Variants in TMC1 observed in about 807,000 individuals in gnomAD.
TMC1 encodes the protein transmembrane channel-like protein 1.
A neutral mutation model predicts 105.8 loss-of-function variants in TMC1; 84 were observed. That is an observed-to-expected ratio of 0.79 (90% CI 0.67 to 0.95). TMC1 has a LOEUF of 0.95. Among genes scored for constraint, TMC1 ranks in the 40% least tolerant of loss-of-function variants. TMC1 has a pLI of 0.00. For synonymous variants in TMC1, 315 were observed against 311.5 expected (o/e 1.01, Z -0.12); for missense variants, 817 against 914.1 (o/e 0.89, Z 1.37).
At chr9:72,821,836 G>C (rs917248965) in intron 20 of TMC1, among the ~76,000 whole-genome samples, 7 of 152,144 alleles carry the variant, frequency 4.6e-5, no homozygotes, top group Non-Finnish European at 8.8e-5. Context: ...GACAGAGAGA[G>C]AGAGAATACC....
chr9:72,788,982 G>A (rs1828217180), intron 14 of TMC1, 141 bp from the exon 15 acceptor site: 5 of 828,258 alleles, frequency 6.0e-6, no homozygotes, highest in Non-Finnish European at 9.7e-6. Context: ...CTGGTTTGTG[G>A]AATCTCAGAT....
intron 5 of TMC1, among the ~76,000 whole-genome samples, chr9:72,671,787 A>C (rs1161078003): frequency 6.6e-6 from 1 of 152,206 alleles, no homozygotes; most frequent in Non-Finnish European, 1.5e-5. Context: ...AAGAAAAAAA[A>C]TCAAAGCATA....
At chr9:72,592,315 C>T (rs369028030) in intron 2 of TMC1, among the ~76,000 whole-genome samples, 1 of 152,286 alleles carries the variant, frequency 6.6e-6, no homozygotes, top group South Asian at 2.1e-4. Flanking sequence ...ATATGTGGAA[C>T]CTGGAAGGGA....
intron 5 of TMC1, among the ~76,000 whole-genome samples, chr9:72,671,388 T>G (rs966626730): frequency 2.6e-5 from 4 of 152,228 alleles, no homozygotes; most frequent in African/African-American, 9.6e-5. Context: ...TTCTGCAGTT[T>G]TCTCAAATTC....
At chr9:72,807,927 T>A (rs1472859221) in intron 18 of TMC1, among the ~76,000 whole-genome samples, 1 of 152,166 alleles carries the variant, frequency 6.6e-6, no homozygotes, top group East Asian at 1.9e-4. Context: ...TTTCCTTCTA[T>A]GGTCATCCTC....
chr9:72,710,193 C>T lies in TMC1; in HGVS notation c.362+9550C>T, dbSNP rs562264251. On this transcript the variant is annotated intron_variant, in intron 8 of 23. Coordinates refer to ENST00000297784, the MANE Select transcript of TMC1 (RefSeq NM_138691.3). The stretch of plus-strand genomic sequence containing the variant: ...TCTTTTGATTTCCAATTTTATTCCA[C>T]TGTGGTCTAAGAGAGTACTTGATAC... Among the ~76,000 whole-genome samples, 10 of 152,254 alleles carry T rather than the reference C, an allele frequency of 6.6e-5. 1 individual carries two copies. In the South Asian group the frequency reaches 2.1e-3, roughly 32 times the overall value.
chr9:72,647,847 T>C (rs1262325381), intron 4 of TMC1, among the ~76,000 whole-genome samples: 1 of 150,992 alleles, frequency 6.6e-6, no homozygotes, highest in Non-Finnish European at 1.5e-5. Flanking sequence ...AACCAGAGAA[T>C]GCCAGCGTCC....
chr9:72,701,367 T>G (rs1826643250), intron 8 of TMC1, among the ~76,000 whole-genome samples: 1 of 152,170 alleles, frequency 6.6e-6, no homozygotes, highest in Non-Finnish European at 1.5e-5. Context: ...ATTATCCTAT[T>G]CTGGGGGATG....
At chr9:72,737,678 T>C (rs1827322636) in intron 8 of TMC1, among the ~76,000 whole-genome samples, 1 of 152,192 alleles carries the variant, frequency 6.6e-6, no homozygotes, top group South Asian at 2.1e-4. Context: ...TTTTAGAAAG[T>C]GCCTGCTGGC....
chr9:72,611,752 G>T (rs551611155), intron 2 of TMC1, among the ~76,000 whole-genome samples: 1 of 152,282 alleles, frequency 6.6e-6, no homozygotes, highest in African/African-American at 2.4e-5. Flanking sequence ...GCCAGAAGAA[G>T]GTCTTGGGTG....
chr9:72,799,393 A>C (rs1261246785), intron 17 of TMC1, among the ~76,000 whole-genome samples: 1 of 152,160 alleles, frequency 6.6e-6, no homozygotes, highest in Non-Finnish European at 1.5e-5. Context: ...TTAAACAAAT[A>C]TGTAAAAATA....
intron 1 of TMC1, among the ~76,000 whole-genome samples, chr9:72,531,674 C>T (rs922527203): frequency 6.6e-6 from 1 of 152,214 alleles, no homozygotes; most frequent in Non-Finnish European, 1.5e-5. Flanking sequence ...ATCCGTATTA[C>T]TCTTACATCT....
At chr9:72,534,465 A>G (rs34910158) in intron 1 of TMC1, among the ~76,000 whole-genome samples, 8,683 of 152,342 alleles carry the variant, frequency 0.057, 301 homozygotes, top group Non-Finnish European at 0.07. Flanking sequence ...TGTTATATTT[A>G]TGAACATTCT....
chr9:72,533,159 G>A (rs991161983), intron 1 of TMC1, among the ~76,000 whole-genome samples: 2 of 152,202 alleles, frequency 1.3e-5, no homozygotes, highest in Non-Finnish European at 2.9e-5. Flanking sequence ...ATCAGCTGAA[G>A]TGCCCTCTCT....
intron 12 of TMC1, among the ~76,000 whole-genome samples, chr9:72,759,929 ACT>A (rs556853132): frequency 4.7e-4 from 71 of 151,942 alleles, no homozygotes; most frequent in Admixed American, 1.6e-3. Context: ...ACATTTACTG[ACT>A]CTGTTTCATG....
At chr9:72,736,016 T>A (rs1295884655) in intron 8 of TMC1, among the ~76,000 whole-genome samples, 2 of 152,206 alleles carry the variant, frequency 1.3e-5, no homozygotes, top group African/African-American at 4.8e-5. Context: ...GGCAGGGATC[T>A]CTCAGAGAAT....
Position 72,792,221 on chromosome 9 carries a change from A to G in TMC1, c.1435A>G (p.Ile479Val), listed in dbSNP as rs1828283498. The G allele has an allele frequency of 1.2e-6, 2 of 1,614,136 alleles. No individual in the cohort carries two copies. Among genetic ancestry groups the G allele is most frequent in the East Asian group, 2.2e-5 (1 of 44,870 alleles). The change falls in exon 17 of 24, where the codon ATT becomes GTT. Residue 479 changes from isoleucine to valine, a missense_variant. Coordinates refer to ENST00000297784, the MANE Select transcript of TMC1 (RefSeq NM_138691.3). ...AGAGGAGAAGCTAGTAAAGGCCAAT[A>G]TTACCCTTTGGGAAGCCAATATGAT... The part of the protein sequence containing the change: ...IEEEKLVKAN[I>V]TLWEANMIKA...
At chr9:72,784,498 T>C (rs1417874966) in intron 13 of TMC1, among the ~76,000 whole-genome samples, 2 of 152,228 alleles carry the variant, frequency 1.3e-5, no homozygotes, top group Non-Finnish European at 2.9e-5. Flanking sequence ...GGTGGGAATG[T>C]AAATTAGTTC....
chr9:72,585,237 ACCT>A (rs1488135569), intron 2 of TMC1, among the ~76,000 whole-genome samples: 3 of 136,998 alleles, frequency 2.2e-5, no homozygotes, highest in Non-Finnish European at 4.7e-5. Context: ...TGCAAGCTCC[ACCT>A]CCTGGGTTCA....
Sources: allele counts gnomAD v4.1 joint callset (sites outside exome capture counted in the v4.1 genomes callset), GRCh38; gene constraint gnomAD v4.1.1; transcripts MANE v1.5; gene names NCBI Gene and HGNC (gene_info 2026-07-23, HGNC 2026-07-21).